Variants in CA10 observed in about 807,000 individuals in gnomAD.
The protein encoded by CA10 is carbonic anhydrase-related protein 10.
CA10 carries 14 observed loss-of-function variants against 44.2 expected under a neutral mutation model. The ratio of observed to expected loss-of-function variants is 0.32; its 90% confidence interval spans 0.21 to 0.50. CA10 has a LOEUF of 0.50. Among genes scored for constraint, CA10 ranks in the 20% least tolerant of loss-of-function variants. The pLI is 0.99. For synonymous variants in CA10, 159 were observed against 141.6 expected (o/e 1.12, Z -0.87); for missense variants, 350 against 409.7 (o/e 0.85, Z 1.26).
At chr17:51,659,708 C>T (rs1031422253) in intron 4 of CA10, among the ~76,000 whole-genome samples, 4 of 152,180 alleles carry the variant, frequency 2.6e-5, no homozygotes, top group Non-Finnish European at 2.9e-5. Flanking sequence ...GCAGAAACAA[C>T]TCATTTAATT....
intron 4 of CA10, among the ~76,000 whole-genome samples, chr17:51,677,700 G>T (rs1914676127): frequency 6.6e-6 from 1 of 152,086 alleles, no homozygotes; most frequent in South Asian, 2.1e-4. Flanking sequence ...AATTCCTAAA[G>T]ACTTTTTGAA....
At chr17:51,827,642 G>T (rs960677409) in intron 3 of CA10, among the ~76,000 whole-genome samples, 26 of 152,288 alleles carry the variant, frequency 1.7e-4, no homozygotes, top group African/African-American at 6.0e-4. Context: ...AGCTATAGAT[G>T]ATTAATCTCT....
chr17:51,896,170 T>A (rs1981060050), intron 3 of CA10, among the ~76,000 whole-genome samples: 1 of 152,136 alleles, frequency 6.6e-6, no homozygotes, highest in Admixed American at 6.6e-5. Context: ...GAGTTTGGTG[T>A]ACAAATTATT....
At chr17:51,822,931 T>C (rs1907868667) in intron 3 of CA10, among the ~76,000 whole-genome samples, 1 of 152,186 alleles carries the variant, frequency 6.6e-6, no homozygotes, top group Admixed American at 6.5e-5. Context: ...CCTTCTACAA[T>C]GGCCTAAGGA....
chr17:51,775,809 C>A (rs1446042005), intron 3 of CA10, among the ~76,000 whole-genome samples: 1 of 152,008 alleles, frequency 6.6e-6, no homozygotes, highest in African/African-American at 2.4e-5. Flanking sequence ...CAGGAAGAGG[C>A]CAAGCAGAGT....
chr17:51,771,929 C>T (rs1481974998), intron 3 of CA10, among the ~76,000 whole-genome samples: 3 of 152,216 alleles, frequency 2.0e-5, no homozygotes, highest in Admixed American at 2.0e-4. Flanking sequence ...CATCCCATCT[C>T]ACAGGTGAGG....
chr17:52,025,714 AT>A (rs1015502964), intron 2 of CA10, among the ~76,000 whole-genome samples: 1 of 152,086 alleles, frequency 6.6e-6, no homozygotes, highest in Admixed American at 6.6e-5. Flanking sequence ...AACTTAAGAT[AT>A]TTTTGATTGT....
chr17:52,041,680 T>C (rs1423512376), intron 2 of CA10, among the ~76,000 whole-genome samples: 1 of 152,136 alleles, frequency 6.6e-6, no homozygotes, highest in African/African-American at 2.4e-5. Flanking sequence ...ACTCAGTACT[T>C]ATTCATCTTG....
chr17:51,892,999 T>C (rs1242612115), intron 3 of CA10, among the ~76,000 whole-genome samples: 1 of 152,162 alleles, frequency 6.6e-6, no homozygotes, highest in Non-Finnish European at 1.5e-5. Context: ...ACACTTAAAA[T>C]TGATAGTTTA....
At position 51,634,203 on chromosome 17, in the gene CA10, G is replaced by A. The variant is rs376765168; in HGVS notation, c.790-553C>T. 7.0e-4 allele frequency among the ~76,000 whole-genome samples: 107 copies of A among 152,362 alleles called. 1 individual carries two copies. Among genetic ancestry groups the A allele is most frequent in the African/African-American group, 2.5e-3 (104 of 41,578 alleles). Reference sequence around the variant, plus strand: ...GAATGAAGTGAATGTGTGGTGAGAAGAGGACAACAGAGAGAAAGCACTTCT... The same window carrying A: ...GAATGAAGTGAATGTGTGGTGAGAAAAGGACAACAGAGAGAAAGCACTTCT... On this transcript the variant is annotated intron_variant, in intron 7 of 8. Coordinates refer to ENST00000451037, the MANE Select transcript of CA10 (RefSeq NM_020178.5).
intron 1 of CA10, among the ~76,000 whole-genome samples, chr17:52,102,353 G>A (rs1323083731): frequency 1.3e-5 from 2 of 152,114 alleles, no homozygotes; most frequent in African/African-American, 4.8e-5. Context: ...ATTATTTCAA[G>A]CAAATGCAAT....
chr17:52,060,006 G>A (rs1347832090), intron 2 of CA10, among the ~76,000 whole-genome samples: 2 of 152,174 alleles, frequency 1.3e-5, no homozygotes, highest in African/African-American at 4.8e-5. Flanking sequence ...TACAACTAAA[G>A]ATCAATCTCT....
chr17:51,922,561 C>A (rs1982275246), intron 3 of CA10, among the ~76,000 whole-genome samples: 1 of 152,192 alleles, frequency 6.6e-6, no homozygotes, highest in Admixed American at 6.5e-5. Flanking sequence ...CTTTCTCCTG[C>A]ATCTCTACAT....
intron 3 of CA10, among the ~76,000 whole-genome samples, chr17:51,829,031 C>T (rs1908132899): frequency 6.6e-6 from 1 of 152,156 alleles, no homozygotes; most frequent in African/African-American, 2.4e-5. Context: ...AACCACCCCC[C>T]AAGGTCAGTT....
chr17:51,890,489 G>A (rs918735838), intron 3 of CA10, among the ~76,000 whole-genome samples: 4 of 152,078 alleles, frequency 2.6e-5, no homozygotes, highest in African/African-American at 7.2e-5. Flanking sequence ...CCTACTACTG[G>A]GCTATTTTGT....
At chr17:51,742,679 T>C (rs1000220748) in intron 4 of CA10, among the ~76,000 whole-genome samples, 1 of 152,220 alleles carries the variant, frequency 6.6e-6, no homozygotes, top group African/African-American at 2.4e-5. Context: ...GAAAGCCCCA[T>C]ATTTTACATA....
intron 2 of CA10, among the ~76,000 whole-genome samples, chr17:52,013,517 C>T (rs1985873374): frequency 6.6e-6 from 1 of 151,826 alleles, no homozygotes; most frequent in Non-Finnish European, 1.5e-5. Context: ...AATTGGAAAA[C>T]AGATGTGAAG....
intron 1 of CA10, among the ~76,000 whole-genome samples, chr17:52,149,217 A>G (rs1363169573): frequency 1.3e-5 from 2 of 152,248 alleles, no homozygotes; most frequent in African/African-American, 4.8e-5. Flanking sequence ...ACTCACCTGA[A>G]AGTCACAGGC....
chr17:51,664,884 A>G (rs1241397095), intron 4 of CA10, among the ~76,000 whole-genome samples: 2 of 152,218 alleles, frequency 1.3e-5, no homozygotes, highest in Admixed American at 6.5e-5. Flanking sequence ...TCCAGGGGCA[A>G]TGACTCTCAG....
Sources: allele counts gnomAD v4.1 joint callset (sites outside exome capture counted in the v4.1 genomes callset), GRCh38; gene constraint gnomAD v4.1.1; transcripts MANE v1.5; gene names NCBI Gene and HGNC (gene_info 2026-07-23, HGNC 2026-07-21).